Variants in EPB41 observed in about 807,000 individuals in gnomAD.
EPB41 encodes protein 4.1.
EPB41 carries 65 observed loss-of-function variants against 108.0 expected under a neutral mutation model. The ratio of observed to expected loss-of-function variants is 0.60; its 90% CI spans 0.49 to 0.74. EPB41 has a LOEUF of 0.74. Ranked by LOEUF, EPB41 falls within the 30% of genes least tolerant of loss-of-function variation. The pLI is 0.00. For synonymous variants in EPB41, 336 were observed against 358.9 expected (o/e 0.94, Z 0.72); for missense variants, 875 against 1,037.0 (o/e 0.84, Z 2.15).
chr1:28,953,114 C>T (rs204060), intron 1 of EPB41, among the ~76,000 whole-genome samples: 121,230 of 151,852 alleles, frequency 0.8, 49,113 homozygotes, highest in East Asian at 0.92. Context: ...AGAATTGAAA[C>T]AAGGTCTACA....
chr1:28,915,227 T>A (rs1221611607), intron 1 of EPB41, among the ~76,000 whole-genome samples: 3 of 152,174 alleles, frequency 2.0e-5, no homozygotes, highest in African/African-American at 7.2e-5. Flanking sequence ...ATCTGAGGAC[T>A]GCAGGGAGCC....
At chr1:28,961,744 G>A (rs951507267) in intron 1 of EPB41, among the ~76,000 whole-genome samples, 5 of 152,106 alleles carry the variant, frequency 3.3e-5, no homozygotes, top group East Asian at 1.9e-4. Context: ...TCAACTTTAT[G>A]CCAATGCAAA....
upstream of EPB41, among the ~76,000 whole-genome samples, chr1:28,909,835 A>G (rs1437947759): frequency 3.5e-5 from 5 of 141,698 alleles, no homozygotes; most frequent in African/African-American, 1.2e-4. Context: ...GATAGATAGT[A>G]TACATAAGGG....
chr1:29,102,774 A>T (rs1665859451), intron 17 of EPB41, among the ~76,000 whole-genome samples: 3 of 149,954 alleles, frequency 2.0e-5, no homozygotes, highest in South Asian at 4.2e-4. Context: ...TCATATTTTT[A>T]TTTTTATTTT....
At chr1:29,075,075 T>G (rs569737111) in intron 16 of EPB41, among the ~76,000 whole-genome samples, 1 of 144,086 alleles carries the variant, frequency 6.9e-6, no homozygotes, top group East Asian at 2.0e-4. Flanking sequence ...GAGAATGACA[T>G]GAACCTGGGA....
At chr1:29,021,095 A>G (rs2096638753) in intron 7 of EPB41, among the ~76,000 whole-genome samples, 1 of 152,216 alleles carries the variant, frequency 6.6e-6, no homozygotes, top group African/African-American at 2.4e-5. Flanking sequence ...ATTATGTGCA[A>G]GATACTATGA....
intron 10 of EPB41, among the ~76,000 whole-genome samples, chr1:29,037,406 C>T (rs1165571755): frequency 1.3e-5 from 2 of 151,984 alleles, no homozygotes; most frequent in African/African-American, 4.8e-5. Flanking sequence ...CCCTTGAGTT[C>T]GTTTACCAAG....
In EPB41 at chr1:29,106,564, A is replaced by ATTTTTTTTTTTTTT. The variant is rs1187973613; in HGVS notation, c.2314-2758_2314-2745dup. 2.0e-4 allele frequency among the ~76,000 whole-genome samples: 10 copies of ATTTTTTTTTTTTTT among 50,890 alleles called. 1 individual carries two copies. Among genetic ancestry groups the ATTTTTTTTTTTTTT allele is most frequent in the Non-Finnish European group, 2.3e-4 (7 of 30,498 alleles). The allele number at this position is 50,890 out of a possible 152,430, so 33.4% of individuals were successfully genotyped here. On this transcript the variant is annotated intron_variant, in intron 17 of 20. Transcript: ENST00000343067. ...CCTCTCAGCCTCCCGAGTAGCTGGG[A>ATTTTTTTTTTTTTT]TTTTTTTTTTTTTTTTTTTTTTTTT...
chr1:28,969,007 A>G (rs1313047131), intron 1 of EPB41, among the ~76,000 whole-genome samples: 1 of 145,454 alleles, frequency 6.9e-6, no homozygotes, highest in Non-Finnish European at 1.5e-5. Flanking sequence ...AACTAAATGA[A>G]CTTCGCTTTC....
At chr1:29,069,537 A>C in intron 16 of EPB41, 2 of 907,994 alleles carry the variant, frequency 2.2e-6, no homozygotes, top group Non-Finnish European at 2.8e-6. Flanking sequence ...TATAAGATTA[A>C]GATTTTTTAT....
At chr1:28,922,864 T>C (rs1038201614) in intron 1 of EPB41, among the ~76,000 whole-genome samples, 3 of 151,632 alleles carry the variant, frequency 2.0e-5, no homozygotes, top group Non-Finnish European at 4.4e-5. Context: ...CCTGACCTCA[T>C]GATCCGCCTG....
chr1:29,074,159 C>T (rs1652835083), intron 16 of EPB41, among the ~76,000 whole-genome samples: 1 of 152,058 alleles, frequency 6.6e-6, no homozygotes, highest in Non-Finnish European at 1.5e-5. Context: ...GAGACATGGT[C>T]TCATTGTTGC....
chr1:29,067,862 G>C (rs576058693), intron 16 of EPB41, among the ~76,000 whole-genome samples: 1 of 152,208 alleles, frequency 6.6e-6, no homozygotes, highest in African/African-American at 2.4e-5. Context: ...TGTCCTCTCA[G>C]CCTCCATTTT....
At chr1:28,938,868 G>GT (rs1195719554) in intron 1 of EPB41, among the ~76,000 whole-genome samples, 13 of 152,014 alleles carry the variant, frequency 8.6e-5, no homozygotes, top group Admixed American at 7.9e-4. Flanking sequence ...AGAACTAGTA[G>GT]TTTTTTTTGT....
intron 2 of EPB41, among the ~76,000 whole-genome samples, chr1:28,990,296 T>TTTCCTTCCTTCCTTCCTTCTTTCC (rs1557935488): frequency 6.1e-4 from 27 of 44,068 alleles, no homozygotes; most frequent in African/African-American, 1.5e-3. Context: ...GTTTTTCAAA[T>TTTCCTTCCTTCCTTCCTTCTTTCC]TTCCTTCCTT....
In EPB41 at chr1:28,902,921, C is replaced by T. The variant is rs143822923; in HGVS notation, c.-8+15711C>T. Among the ~76,000 whole-genome samples, 168 of 152,198 alleles carry T rather than the reference C, an allele frequency of 1.1e-3. 2 individuals are homozygous for T. The highest frequency in any genetic ancestry group is 0.01 in the Middle Eastern group (3 of 294). On this transcript the variant is annotated intron_variant, in intron 1 of 16. Coordinates refer to the EPB41 transcript ENST00000347529. ...ACTTGACCTCACTAGGGAAGAGAGG[C>T]AAGATAGTGTCTTGAGCAAGGAGTT...
intron 6 of EPB41, among the ~76,000 whole-genome samples, chr1:29,017,159 A>G (rs2096588566): frequency 6.6e-6 from 1 of 152,232 alleles, no homozygotes; most frequent in African/African-American, 2.4e-5. Context: ...TGTATAAAAC[A>G]AAACACATTT....
At chr1:28,949,974 A>G (rs2094643984) in intron 1 of EPB41, among the ~76,000 whole-genome samples, 1 of 152,184 alleles carries the variant, frequency 6.6e-6, no homozygotes, top group African/African-American at 2.4e-5. Flanking sequence ...TTACTGTGGT[A>G]TAATATTCCA....
intron 11 of EPB41, 73 bp downstream of exon 11, chr1:29,039,499 T>C: frequency 6.3e-7 from 1 of 1,580,150 alleles, no homozygotes; most frequent in Non-Finnish European, 8.6e-7. Context: ...CAATTATCTA[T>C]AAGAGAACCG....
Sources: gnomAD v4.1 joint callset for allele counts (sites outside exome capture counted in the v4.1 genomes callset) on GRCh38, gnomAD v4.1.1 for gene constraint, MANE v1.5 for transcripts, NCBI Gene and HGNC (gene_info 2026-07-23, HGNC 2026-07-21) for gene names.